GALNTL6: variants seen among roughly 807,000 people sequenced by gnomAD.
The protein encoded by GALNTL6 is polypeptide N-acetylgalactosaminyltransferase-like 6.
In GALNTL6, 46 loss-of-function variants were observed where a neutral mutation model predicts 73.7. That is an observed-to-expected ratio of 0.62 (90% CI 0.49 to 0.80). The LOEUF (loss-of-function observed/expected upper bound fraction) is 0.80. Among genes scored for constraint, GALNTL6 ranks in the 30% least tolerant of loss-of-function variants. The pLI, the probability that GALNTL6 is intolerant of heterozygous loss-of-function variation, is 0.00. For missense variants in GALNTL6, 604 were observed against 755.0 expected (o/e 0.80, Z 2.34); for synonymous variants, 259 against 263.7 (o/e 0.98, Z 0.17).
chr4:172,585,419 C>T (rs1396495246), intron 5 of GALNTL6, among the ~76,000 whole-genome samples: 1 of 152,160 alleles, frequency 6.6e-6, no homozygotes, highest in Non-Finnish European at 1.5e-5. Context: ...CCTCCACCTC[C>T]TGACACGCCC....
chr4:172,787,624 G>A (rs914583253), intron 5 of GALNTL6, among the ~76,000 whole-genome samples: 13 of 152,196 alleles, frequency 8.5e-5, no homozygotes, highest in Non-Finnish European at 1.9e-4. Flanking sequence ...GTTACTAGAG[G>A]AAATCTTGGG....
chr4:172,417,944 G>A (rs1238582354), intron 5 of GALNTL6, among the ~76,000 whole-genome samples: 2 of 152,120 alleles, frequency 1.3e-5, no homozygotes, highest in Admixed American at 6.6e-5. Flanking sequence ...GTTTTTTTGA[G>A]TCTGTTTCAT....
intron 2 of GALNTL6, among the ~76,000 whole-genome samples, chr4:172,138,342 T>C (rs1447666202): frequency 6.7e-6 from 1 of 149,640 alleles, no homozygotes; most frequent in Non-Finnish European, 1.5e-5. Context: ...ATATTACTCC[T>C]TTTTGCATTT....
At chr4:172,760,535 C>T (rs1230759235) in intron 5 of GALNTL6, among the ~76,000 whole-genome samples, 1 of 152,204 alleles carries the variant, frequency 6.6e-6, no homozygotes, top group Non-Finnish European at 1.5e-5. Flanking sequence ...GACCTCTTTT[C>T]TGCTAAGCAG....
At chr4:172,588,933 A>G (rs1172850477) in intron 5 of GALNTL6, among the ~76,000 whole-genome samples, 1 of 152,220 alleles carries the variant, frequency 6.6e-6, no homozygotes, top group African/African-American at 2.4e-5. Context: ...AAAAATGTTC[A>G]TTGGGATTTA....
chr4:171,952,907 T>C (rs1349314502), intron 2 of GALNTL6, among the ~76,000 whole-genome samples: 1 of 152,098 alleles, frequency 6.6e-6, no homozygotes. Flanking sequence ...TATTCATCAA[T>C]AATGAGAAAA....
At chr4:172,220,724 AT>A (rs566967850) in intron 2 of GALNTL6, among the ~76,000 whole-genome samples, 241 of 151,958 alleles carry the variant, frequency 1.6e-3, no homozygotes, top group Non-Finnish European at 3.1e-3. Context: ...AAGTTTGGAT[AT>A]TTCAATTGTC....
chr4:172,000,133 G>C (rs1208875459), intron 2 of GALNTL6, among the ~76,000 whole-genome samples: 4 of 152,086 alleles, frequency 2.6e-5, no homozygotes, highest in Non-Finnish European at 5.9e-5. Flanking sequence ...GAGTTCACCA[G>C]AACTCAGTCT....
intron 2 of GALNTL6, among the ~76,000 whole-genome samples, chr4:172,059,223 T>C (rs183447514): frequency 2.6e-5 from 4 of 152,322 alleles, no homozygotes; most frequent in Non-Finnish European, 5.9e-5. Flanking sequence ...AGCTGTTTAT[T>C]CTGATTCAGA....
intron 10 of GALNTL6, among the ~76,000 whole-genome samples, chr4:172,954,762 C>A (rs1032862692): frequency 2.0e-5 from 3 of 152,154 alleles, no homozygotes; most frequent in African/African-American, 7.2e-5. Context: ...GCCACCACAC[C>A]CGGCAACAGA....
intron 5 of GALNTL6, among the ~76,000 whole-genome samples, chr4:172,350,661 C>A (rs761271478): frequency 1.3e-5 from 2 of 152,014 alleles, no homozygotes; most frequent in Non-Finnish European, 2.9e-5. Context: ...TAATCAAATG[C>A]AAAAGTAAAT....
intron 4 of GALNTL6, among the ~76,000 whole-genome samples, chr4:172,344,667 T>A (rs988091017): frequency 3.3e-5 from 5 of 152,206 alleles, no homozygotes; most frequent in African/African-American, 1.2e-4. Flanking sequence ...TTCAAGATTC[T>A]TCATGATCTG....
intron 7 of GALNTL6, among the ~76,000 whole-genome samples, chr4:172,821,706 C>G (rs1219715644): frequency 6.7e-6 from 1 of 148,152 alleles, no homozygotes; most frequent in African/African-American, 2.7e-5. Flanking sequence ...AAATGGTGTC[C>G]TAATCTACAG....
At chr4:172,848,970 A>G (rs17058964) in intron 7 of GALNTL6, among the ~76,000 whole-genome samples, 40,910 of 152,056 alleles carry the variant, frequency 0.27, 6,025 homozygotes, top group African/African-American at 0.39. Context: ...CATCATTAAA[A>G]TGGTCACTGA....
chr4:172,527,007 C>G (rs941695387), intron 5 of GALNTL6, among the ~76,000 whole-genome samples: 1 of 152,010 alleles, frequency 6.6e-6, no homozygotes, highest in Non-Finnish European at 1.5e-5. Context: ...AGACAGGGTT[C>G]ATTATTTTAT....
At chr4:172,566,533 A>G (rs1051897875) in intron 5 of GALNTL6, among the ~76,000 whole-genome samples, 2 of 152,202 alleles carry the variant, frequency 1.3e-5, no homozygotes, top group Admixed American at 1.3e-4. Flanking sequence ...TGTAGAATAC[A>G]GCAAAAGCAA....
In GALNTL6 at chr4:172,244,851, A is replaced by G. The variant is rs535254568; in HGVS notation, c.247+15087A>G. Among the ~76,000 whole-genome samples, 12 of 152,292 alleles carry G rather than the reference A, an allele frequency of 7.9e-5. 1 individual carries two copies. In the South Asian group the frequency reaches 2.5e-3, roughly 32 times the overall value. The stretch of plus-strand genomic sequence containing the variant: ...AAACATTTTGGGAGCTTCTCCCCCA[A>G]ATCTTTTTTCCTCTTAGTATTGTAT... On this transcript the variant is annotated intron_variant, in intron 3 of 12. Transcript: ENST00000506823.
intron 2 of GALNTL6, among the ~76,000 whole-genome samples, chr4:171,940,864 T>TAAATAA (rs35996530): frequency 7.0e-6 from 1 of 142,246 alleles, no homozygotes; most frequent in Non-Finnish European, 1.5e-5. Context: ...AATAAATAAA[T>TAAATAA]ATATAAGTCA....
rs780649424 is a variant in GALNTL6 at position 172,832,712 on chromosome 4, A to G, written c.923+18989A>G. ...CAGTGGGCTCACACAGCCCAGTGCC[A>G]GAAAGGCCAGAGCCTCACACCTGGA... On this transcript the variant is annotated intron_variant, in intron 7 of 12. Transcript: ENST00000506823. 1.3e-3 allele frequency among the ~76,000 whole-genome samples: 198 copies of G among 152,178 alleles called. 2 individuals are homozygous for G. The highest frequency in any genetic ancestry group is 3.4e-4 in the Non-Finnish European group (23 of 68,032).
Sources: allele counts gnomAD v4.1 joint callset (sites outside exome capture counted in the v4.1 genomes callset), GRCh38; gene constraint gnomAD v4.1.1; transcripts MANE v1.5; gene names NCBI Gene and HGNC (gene_info 2026-07-23, HGNC 2026-07-21).